The following PACS2 variants were observed in gnomAD, a reference collection of about 807,000 sequenced individuals.
The protein encoded by PACS2 is PACS1-like protein.
Under a neutral mutation model 113.0 loss-of-function variants are expected in PACS2, and 36 were observed. The observed-to-expected ratio is 0.32, with a 90% CI of 0.24 to 0.42. The LOEUF is 0.42. Among genes scored for constraint, PACS2 ranks in the 10% least tolerant of loss-of-function variants. PACS2 has a pLI of 1.00. For missense variants in PACS2, 1,015 were observed against 1,239.5 expected, an observed-to-expected ratio of 0.82 and a Z score of 2.72; for synonymous variants, 589 against 536.1, an observed-to-expected ratio of 1.10 and a Z score of -1.36.
chr14:105,368,028 G>A (rs782057241), intron 5 of PACS2, 46 bp from the exon 6 acceptor site: 46 of 1,320,082 alleles, frequency 3.5e-5, no homozygotes, highest in Middle Eastern at 1.8e-4. Context: ...CTGGTTTCCC[G>A]GGTGGAATCT....
In PACS2 at chr14:105,323,814, G is replaced by C. The variant is rs778274892; in HGVS notation, c.119+8777G>C. On this transcript the variant is annotated intron_variant, in intron 1 of 24. Coordinates refer to ENST00000447393, the MANE Select transcript of PACS2 (RefSeq NM_001100913.3). The surrounding 1 kb of genome is among the most constrained non-coding windows in gnomAD (Gnocchi z 4.1). ...GACCTGGGCAGCCAGTGGCCTGTAG[G>C]CTGGGCAGCACTCGAGCTGGGGCCA... Among the ~76,000 whole-genome samples the C allele has an allele frequency of 2.0e-5, 3 of 152,234 alleles. No individual in the cohort carries two copies. The highest frequency in any genetic ancestry group is 4.4e-5 in the Non-Finnish European group (3 of 68,044).
At chr14:105,316,625 G>T (rs1414156269) in intron 1 of PACS2, among the ~76,000 whole-genome samples, 1 of 152,204 alleles carries the variant, frequency 6.6e-6, no homozygotes, top group Non-Finnish European at 1.5e-5. Context: ...AGGGGCCGGG[G>T]GCCTTATCAG....
chr14:105,305,514 C>T (rs908893561), intron 1 of PACS2, among the ~76,000 whole-genome samples: 2 of 152,120 alleles, frequency 1.3e-5, no homozygotes, highest in Non-Finnish European at 1.5e-5. Context: ...AGGAAGTGGC[C>T]CTCACCAGAC....
chr14:105,335,360 C>T (rs1172812830), intron 1 of PACS2, among the ~76,000 whole-genome samples: 9 of 147,050 alleles, frequency 6.1e-5, no homozygotes, highest in South Asian at 2.1e-4. Context: ...GTGGCTGTGA[C>T]GCTGTGGCCG....
intron 21 of PACS2, 138 bp downstream of exon 21, chr14:105,391,387 G>T: frequency 1.4e-6 from 1 of 716,090 alleles, no homozygotes. Context: ...TGGTGCTTCT[G>T]TCCTGCGGGG....
At chr14:105,301,571 G>A (rs2058030028) in intron 1 of PACS2, among the ~76,000 whole-genome samples, 1 of 152,184 alleles carries the variant, frequency 6.6e-6, no homozygotes, top group South Asian at 2.1e-4. Flanking sequence ...CCCGCCAGGG[G>A]CCACCCTGCC....
Position 105,368,538 on chromosome 14 carries a change from G to A in PACS2, c.740G>A (p.Arg247Lys), listed in dbSNP as rs1555408570. ...RSIVRTTSMT[R>K]QQNFKQKVVA... ...ATTGTAAGAACGACGTCCATGACCA[G>A]GGTTGGTGGAGACTGCTTCTATGAA... The change falls in exon 7 of 25, where the codon AGG becomes AAG. Residue 247 changes from arginine to lysine, a missense_variant and splice_region_variant. Around this residue, in one of 3 missense-constraint regions of PACS2, gnomAD observed 859 missense variants for 1,056.8 expected, o/e 0.81. Transcript: ENST00000447393. 5 of 1,612,734 alleles carry A rather than the reference G, an allele frequency of 3.1e-6. No individual in the cohort carries two copies. Among genetic ancestry groups the A allele is most frequent in the Non-Finnish European group, 3.4e-6 (4 of 1,178,770 alleles).
chr14:105,348,411 G>A lies in PACS2; in HGVS notation c.120-82G>A. 6 of 1,099,752 alleles carry A rather than the reference G, an allele frequency of 5.5e-6. No homozygotes were observed. The highest frequency in any genetic ancestry group is 8.1e-6 in the Non-Finnish European group (6 of 737,500). The allele number at this position is 1,099,752 out of a possible 1,614,324, so 68.1% of individuals were successfully genotyped here. A position where few individuals can be genotyped will look rare whatever the true frequency, so the allele number is the denominator to read the frequency against. On this transcript the variant is annotated intron_variant, in intron 1 of 24. Coordinates refer to ENST00000447393, the MANE Select transcript of PACS2 (RefSeq NM_001100913.3). The surrounding 1 kb of genome is among the most constrained non-coding windows in gnomAD (Gnocchi z 6.4). Reference sequence around the variant, plus strand: ...GCACCCCAGGGTGCAGGCTCCCGGGGTGACACAGTGCTGGGACGGCACAGG... The same window carrying A: ...GCACCCCAGGGTGCAGGCTCCCGGGATGACACAGTGCTGGGACGGCACAGG...
chr14:105,333,674 G>C (rs747443630), intron 1 of PACS2, among the ~76,000 whole-genome samples: 1 of 152,244 alleles, frequency 6.6e-6, no homozygotes. Flanking sequence ...CCTTTGCCCC[G>C]TGGGCCATTG....
At position 105,380,154 on chromosome 14, in the gene PACS2, C is replaced by G. The variant is rs587655882; in HGVS notation, c.1125C>G (p.Leu375=). The change falls in exon 11 of 25, where the codon CTC becomes CTG. Residue 375 remains leucine, a splice_region_variant and synonymous_variant. Transcript: ENST00000447393. ...ACAGTGTCTCTGACACGGTGGCCCT[C>G]GTAAGCAGGCTTGGGCCGCACCCAC... ...PSDSVSDTVA[L]GVPGPREHPG... 6.4e-7 allele frequency: 1 copy of G among 1,551,040 alleles called. No individual in the cohort carries two copies. The highest frequency in any genetic ancestry group is 1.2e-5 in the South Asian group (1 of 84,086).
intron 1 of PACS2, among the ~76,000 whole-genome samples, chr14:105,347,858 C>T (rs782082417): frequency 1.3e-5 from 2 of 152,120 alleles, no homozygotes; most frequent in Admixed American, 6.5e-5. Flanking sequence ...CATGTTCACA[C>T]GGGGCAGCAC....
intron 1 of PACS2, among the ~76,000 whole-genome samples, chr14:105,305,474 G>A (rs932609961): frequency 1.3e-5 from 2 of 152,172 alleles, no homozygotes; most frequent in African/African-American, 4.8e-5. Flanking sequence ...CCCATGTGAG[G>A]ATGCAGGAAG....
chr14:105,342,268 G>T (rs2059758594), intron 1 of PACS2, among the ~76,000 whole-genome samples: 1 of 151,054 alleles, frequency 6.6e-6, no homozygotes, highest in African/African-American at 2.4e-5. Flanking sequence ...GTGTGTGTGT[G>T]TGTCTATGTG....
rs1053130297 is a variant in PACS2 at position 105,314,975 on chromosome 14, C to T, written c.57C>T (p.Pro19=). ...GCGCGCCCGGCGCGCTCAACACGCC[C>T]GTGCCCATGAACCTGTTCGCCACCT... ...LPGAPGALNT[P]VPMNLFATWE... The change falls in exon 1 of 25, where the codon CCC becomes CCT. Residue 19 remains proline, a synonymous_variant. Transcript: ENST00000447393. The T allele has an allele frequency of 4.8e-6, 6 of 1,243,376 alleles. No homozygotes were observed. In the African/African-American group the frequency reaches 6.4e-5, roughly 13 times the overall value. 77.0% of individuals were successfully genotyped at this position (1,243,376 alleles called of 1,614,324 possible).
intron 7 of PACS2, among the ~76,000 whole-genome samples, chr14:105,369,223 T>A (rs1595721629): frequency 6.6e-6 from 1 of 152,196 alleles, no homozygotes; most frequent in South Asian, 2.1e-4. Context: ...GCTCCCAAAG[T>A]GGTGAAGCTG....
chr14:105,337,210 C>T (rs1188757304), intron 1 of PACS2, among the ~76,000 whole-genome samples: 1 of 152,228 alleles, frequency 6.6e-6, no homozygotes, highest in Non-Finnish European at 1.5e-5. Flanking sequence ...CCATTTGTGT[C>T]AGGTCCCTAG....
At chr14:105,327,422 T>C (rs1338994479) in intron 1 of PACS2, among the ~76,000 whole-genome samples, 1 of 152,174 alleles carries the variant, frequency 6.6e-6, no homozygotes, top group Non-Finnish European at 1.5e-5. Flanking sequence ...TCCTGCACCA[T>C]CCTCTTGCTT....
intron 4 of PACS2, among the ~76,000 whole-genome samples, chr14:105,361,722 G>A (rs587718228): frequency 6.6e-6 from 1 of 152,238 alleles, no homozygotes; most frequent in East Asian, 1.9e-4. Flanking sequence ...GGCCAAGGCG[G>A]GCAGGTCACC....
chr14:105,329,623 G>C lies in PACS2; in HGVS notation c.119+14586G>C, dbSNP rs2059228608. Among the ~76,000 whole-genome samples, 1 of 152,168 alleles carries C rather than the reference G, an allele frequency of 6.6e-6. No homozygotes were observed. Among genetic ancestry groups the C allele is most frequent in the Non-Finnish European group, 1.5e-5 (1 of 68,024 alleles). The stretch of plus-strand genomic sequence containing the variant: ...CAAGTGGCGGGCACCTTCTGGGCTT[G>C]GGGGCGGGGCTTCTCACGATGGCTC... On this transcript the variant is annotated intron_variant, in intron 1 of 24. Coordinates refer to ENST00000447393, the MANE Select transcript of PACS2 (RefSeq NM_001100913.3). This position sits in a 1 kb window ranked among gnomAD's most constrained non-coding sequence, Gnocchi z 6.4.
Sources: allele counts gnomAD v4.1 joint callset (sites outside exome capture counted in the v4.1 genomes callset), GRCh38; gene constraint gnomAD v4.1.1; regional missense constraint gnomAD v4.1.1; non-coding constraint Gnocchi (gnomAD v3.1); transcripts MANE v1.5; gene names NCBI Gene and HGNC (gene_info 2026-07-23, HGNC 2026-07-21).